ATP6V1C1: variants seen among roughly 807,000 people sequenced by gnomAD.
The protein encoded by ATP6V1C1 is V-type proton ATPase subunit C 1.
A neutral mutation model predicts 53.9 loss-of-function variants in ATP6V1C1; 45 were observed. The ratio of observed to expected loss-of-function variants is 0.83; its 90% CI spans 0.66 to 1.07. The LOEUF (loss-of-function observed/expected upper bound fraction) is 1.07, where lower values mean the gene tolerates loss of function less well. Ranked by LOEUF, ATP6V1C1 falls within the 50% of genes least tolerant of loss-of-function variation. The pLI, the probability that ATP6V1C1 is intolerant of heterozygous loss-of-function variation, is 0.00. For synonymous variants in ATP6V1C1, 153 were observed against 155.2 expected (o/e 0.99, Z 0.11); for missense variants, 315 against 440.3 (o/e 0.72, Z 2.55).
intron 8 of ATP6V1C1, among the ~76,000 whole-genome samples, chr8:103,062,175 T>G (rs1009414952): frequency 1.5e-5 from 2 of 133,498 alleles, no homozygotes; most frequent in African/African-American, 5.8e-5. Flanking sequence ...TTTTTTTTTT[T>G]TTTTTTTTTT....
intron 1 of ATP6V1C1, among the ~76,000 whole-genome samples, chr8:103,036,378 T>C (rs1816899639): frequency 6.6e-6 from 1 of 152,150 alleles, no homozygotes; most frequent in Non-Finnish European, 1.5e-5. Flanking sequence ...ACCTAGGCTC[T>C]AGGGAGGTCT....
intron 1 of ATP6V1C1, among the ~76,000 whole-genome samples, chr8:103,024,881 C>A (rs568586445): frequency 6.6e-6 from 1 of 152,036 alleles, no homozygotes; most frequent in African/African-American, 2.4e-5. Context: ...ATGTACTATG[C>A]GTTTATTGAG....
In ATP6V1C1 at chr8:103,023,677, A is replaced by C. The variant is rs546505347; in HGVS notation, c.-40+2452A>C. Among the ~76,000 whole-genome samples the C allele has an allele frequency of 3.3e-5, 5 of 152,312 alleles. No homozygotes were observed. The South Asian group carries it at 1.0e-3, about 32-fold the overall frequency. ...TCACTTTCATATTTATTTTGTTCTC[A>C]CAGTTCTTTGAAAGACAGTGGATGA... On this transcript the variant is annotated intron_variant, in intron 1 of 12. Transcript: ENST00000518738.
At chr8:103,040,011 A>G (rs1472324655) in intron 1 of ATP6V1C1, among the ~76,000 whole-genome samples, 1 of 152,216 alleles carries the variant, frequency 6.6e-6, no homozygotes, top group African/African-American at 2.4e-5. Flanking sequence ...CACCAAATTT[A>G]CTAGCCATGT....
intron 1 of ATP6V1C1, among the ~76,000 whole-genome samples, chr8:103,034,716 A>G (rs1449055768): frequency 1.3e-5 from 2 of 151,762 alleles, no homozygotes; most frequent in African/African-American, 4.8e-5. Context: ...TTACAGGCGC[A>G]TGCCACCATG....
chr8:103,064,876 T>G, intron 11 of ATP6V1C1, 65 bp downstream of exon 11: 1 of 1,403,606 alleles, frequency 7.1e-7, no homozygotes, highest in Non-Finnish European at 9.9e-7. Flanking sequence ...TTGGACCTCT[T>G]TATTATAACA....
At position 103,069,196 on chromosome 8, in the gene ATP6V1C1, A is replaced by T. The variant is rs574302131; in HGVS notation, c.*449A>T. The T allele has an allele frequency of 6.6e-6, 1 of 152,454 alleles. No individual in the cohort carries two copies. Among genetic ancestry groups the T allele is most frequent in the South Asian group, 2.1e-4 (1 of 4,828 alleles). 9.4% of individuals were successfully genotyped at this position (152,454 alleles called of 1,614,324 possible). On this transcript the variant is annotated 3_prime_UTR_variant, in exon 13 of 13. Coordinates refer to ENST00000518738, the MANE Select transcript of ATP6V1C1 (RefSeq NM_001695.5). ...ATGTAAAGAATATGTGACCATCTTC[A>T]GGTATGGGATTTCTGAACGTTTCAA...
rs912304855 is a variant in ATP6V1C1, at chr8:103,052,784, C to A, written c.435C>A (p.Asn145Lys). Residue 145 changes from asparagine to lysine, a missense_variant, in exon 6 of 13, where the codon AAC (asparagine) becomes AAA (lysine). By Grantham distance (94) the Asn-to-Lys change is moderately conservative. Coordinates refer to ENST00000518738, the MANE Select transcript of ATP6V1C1 (RefSeq NM_001695.5). ...AATCTCGAGCATCTGCATACAATAA[C>A]CTGAAAGGAAATCTTCAGAATTTGG... is the stretch of plus-strand genomic sequence containing the variant. ...DLKSRASAYN[N>K]LKGNLQNLER... 5 of 1,596,580 alleles carry A rather than the reference C, an allele frequency of 3.1e-6. No homozygotes were observed. In the South Asian group the frequency reaches 4.5e-5, roughly 14 times the overall value.
chr8:103,032,023 AAAC>A (rs1816806026), intron 1 of ATP6V1C1, among the ~76,000 whole-genome samples: 1 of 151,320 alleles, frequency 6.6e-6, no homozygotes, highest in African/African-American at 2.5e-5. Context: ...AAAAAACAAA[AAAC>A]AAAAAAAACC....
chr8:103,027,552 TGTG>T (rs1816720531), intron 1 of ATP6V1C1, among the ~76,000 whole-genome samples: 1 of 152,188 alleles, frequency 6.6e-6, no homozygotes, highest in Non-Finnish European at 1.5e-5. Flanking sequence ...GCAAATCAAT[TGTG>T]GTAGGAAAAT....
chr8:103,039,200 A>G (rs185453047), intron 1 of ATP6V1C1, among the ~76,000 whole-genome samples: 1 of 152,336 alleles, frequency 6.6e-6, no homozygotes, highest in East Asian at 1.9e-4. Flanking sequence ...GGGAAGATGA[A>G]TTGAGATAAT....
At chr8:103,032,913 G>A (rs543705847) in intron 1 of ATP6V1C1, among the ~76,000 whole-genome samples, 1 of 152,236 alleles carries the variant, frequency 6.6e-6, no homozygotes, top group East Asian at 1.9e-4. Flanking sequence ...ATTCTTAGTG[G>A]TCCCAAACCA....
intron 8 of ATP6V1C1, 146 bp from the exon 9 acceptor site, chr8:103,062,809 G>A (rs1817424822): frequency 1.5e-6 from 1 of 650,050 alleles, no homozygotes. Context: ...CGGTGTTTGA[G>A]GCAATCCAGA....
intron 8 of ATP6V1C1, among the ~76,000 whole-genome samples, chr8:103,056,766 T>G (rs952101021): frequency 6.6e-6 from 1 of 152,164 alleles, no homozygotes; most frequent in East Asian, 1.9e-4. Context: ...AGGATTCTTA[T>G]AGATATATAT....
chr8:103,057,802 TAAC>T (rs1451920249), intron 8 of ATP6V1C1, among the ~76,000 whole-genome samples: 2 of 152,318 alleles, frequency 1.3e-5, no homozygotes, highest in African/African-American at 2.4e-5. Context: ...TTTAGGAACT[TAAC>T]AACAAACTTG....
chr8:103,052,103 C>T (rs1465796138), intron 5 of ATP6V1C1, among the ~76,000 whole-genome samples: 1 of 152,018 alleles, frequency 6.6e-6, no homozygotes, highest in Non-Finnish European at 1.5e-5. Flanking sequence ...TGATCATCTG[C>T]TTCCTGATGC....
chr8:103,055,799 C>G, intron 7 of ATP6V1C1, 69 bp from the exon 8 acceptor site: 1 of 1,407,124 alleles, frequency 7.1e-7, no homozygotes, highest in Non-Finnish European at 9.9e-7. Context: ...ATAATTTTTT[C>G]TCTTCCTGGA....
At position 103,054,945 on chromosome 8, in the gene ATP6V1C1, A is replaced by G. The variant is rs370736878; in HGVS notation, c.573-923A>G. On this transcript the variant is annotated intron_variant, in intron 7 of 12. Transcript: ENST00000518738. ...TTACAGTGGCTACAGTAGTATCTCAATTCTGCATTTTTTTCCCCTTTATTG... is the reference window on the plus strand; with the variant it reads ...TTACAGTGGCTACAGTAGTATCTCAGTTCTGCATTTTTTTCCCCTTTATTG... Among the ~76,000 whole-genome samples the G allele has an allele frequency of 2.0e-4, 30 of 152,270 alleles. No individual in the cohort carries two copies. The East Asian group carries it at 3.5e-3, about 18-fold the overall frequency.
rs1047508719 is a variant in ATP6V1C1 at position 103,060,734 on chromosome 8, A to G, written c.642-2221A>G. Among the ~76,000 whole-genome samples the G allele has an allele frequency of 1.2e-4, 18 of 152,192 alleles. 2 individuals are homozygous for G. Among genetic ancestry groups the G allele is most frequent in the Admixed American group, 9.8e-4 (15 of 15,274 alleles). On this transcript the variant is annotated intron_variant, in intron 8 of 12. Transcript: ENST00000518738. ...CAAGTGGCTTTTATTTGTTTTTCAT[A>G]ATAAGGTGGCATAGTAGGATTTAGT...
Sources: gnomAD v4.1 joint callset for allele counts (sites outside exome capture counted in the v4.1 genomes callset) on GRCh38, gnomAD v4.1.1 for gene constraint, MANE v1.5 for transcripts, NCBI Gene and HGNC (gene_info 2026-07-23, HGNC 2026-07-21) for gene names.